CNTN4: variants seen among roughly 807,000 people sequenced by gnomAD.
CNTN4 encodes contactin-4.
Under a neutral mutation model 122.5 loss-of-function variants are expected in CNTN4, and 77 were observed. That is an observed-to-expected ratio of 0.63 (90% confidence interval 0.52 to 0.76). CNTN4 has a LOEUF of 0.76. Among genes scored for constraint, CNTN4 ranks in the 30% least tolerant of loss-of-function variants. The pLI is 0.00. For missense variants in CNTN4, 1,256 were observed against 1,259.1 expected, an observed-to-expected ratio of 1.00 and a Z score of 0.04; for synonymous variants, 512 against 447.0, an observed-to-expected ratio of 1.15 and a Z score of -1.83.
At chr3:2,315,592 G>A (rs1484705130) in intron 2 of CNTN4, among the ~76,000 whole-genome samples, 2 of 151,694 alleles carry the variant, frequency 1.3e-5, no homozygotes, top group Non-Finnish European at 1.5e-5. Flanking sequence ...AAGTAAAAAG[G>A]TTACTGAAAT....
chr3:2,681,725 A>G (rs186292764), intron 4 of CNTN4, among the ~76,000 whole-genome samples: 1 of 152,108 alleles, frequency 6.6e-6, no homozygotes, highest in Non-Finnish European at 1.5e-5. Context: ...ATATATATAT[A>G]TGTAGAAATA....
intron 4 of CNTN4, among the ~76,000 whole-genome samples, chr3:2,704,152 C>G (rs2086515926): frequency 6.6e-6 from 1 of 151,656 alleles, no homozygotes; most frequent in African/African-American, 2.4e-5. Context: ...CAAAAATTAG[C>G]CAGGTGTGGT....
chr3:3,040,003 G>C (rs1254978561), intron 19 of CNTN4, 34 bp from the exon 20 acceptor site: 3 of 1,447,616 alleles, frequency 2.1e-6, no homozygotes, highest in Non-Finnish European at 2.9e-6. Context: ...TGAAACTACT[G>C]TGATTTCTGA....
At chr3:2,968,449 G>A (rs1019037042) in intron 13 of CNTN4, among the ~76,000 whole-genome samples, 1 of 152,228 alleles carries the variant, frequency 6.6e-6, no homozygotes. Context: ...GATTTTCCCA[G>A]TTTGGTTGAT....
chr3:2,755,674 C>A (rs1397741516), intron 6 of CNTN4, among the ~76,000 whole-genome samples: 3 of 152,154 alleles, frequency 2.0e-5, no homozygotes, highest in African/African-American at 7.2e-5. Flanking sequence ...GGTCATCCCA[C>A]AGTCCAGTTT....
intron 2 of CNTN4, among the ~76,000 whole-genome samples, chr3:2,237,881 A>T (rs189932261): frequency 3.9e-5 from 6 of 152,306 alleles, no homozygotes; most frequent in Admixed American, 2.0e-4. Context: ...ATTAGCCTAT[A>T]GGCCATTATT....
chr3:2,252,823 C>T (rs141751934), intron 2 of CNTN4, among the ~76,000 whole-genome samples: 195 of 152,114 alleles, frequency 1.3e-3, no homozygotes, highest in African/African-American at 4.0e-3. Context: ...TTATTGTTGT[C>T]GAAAGACTTC....
chr3:2,279,825 G>C (rs945570322), intron 2 of CNTN4, among the ~76,000 whole-genome samples: 1 of 151,174 alleles, frequency 6.6e-6, no homozygotes, highest in African/African-American at 2.4e-5. Context: ...TCTGTGTAAA[G>C]ATATTTTAGA....
At chr3:2,542,305 A>G (rs1158733370) in intron 3 of CNTN4, among the ~76,000 whole-genome samples, 1 of 152,128 alleles carries the variant, frequency 6.6e-6, no homozygotes, top group Non-Finnish European at 1.5e-5. Context: ...AAAATCTCTA[A>G]TAGTCAGATA....
chr3:3,053,717 C>A, intron 23 of CNTN4, 90 bp from the exon 24 acceptor site: 1 of 1,364,256 alleles, frequency 7.3e-7, no homozygotes, highest in Non-Finnish European at 1.0e-6. Context: ...CTGCATTTTG[C>A]TCGTGCCCAG....
chr3:2,225,462 G>A (rs1230959143), intron 2 of CNTN4, among the ~76,000 whole-genome samples: 1 of 152,046 alleles, frequency 6.6e-6, no homozygotes, highest in African/African-American at 2.4e-5. Flanking sequence ...GCAGTGAGCC[G>A]AGATCGTGCT....
chr3:2,477,430 A>G (rs1049088341), intron 3 of CNTN4, among the ~76,000 whole-genome samples: 1 of 152,214 alleles, frequency 6.6e-6, no homozygotes, highest in African/African-American at 2.4e-5. Context: ...AATGCTTTAT[A>G]TACATTATCT....
intron 2 of CNTN4, among the ~76,000 whole-genome samples, chr3:2,235,902 G>T (rs1034842310): frequency 4.6e-5 from 7 of 152,102 alleles, no homozygotes; most frequent in African/African-American, 7.2e-5. Flanking sequence ...TCTTGCTTCA[G>T]TACACATACA....
At chr3:2,598,126 C>T (rs529497061) in intron 4 of CNTN4, among the ~76,000 whole-genome samples, 1 of 152,280 alleles carries the variant, frequency 6.6e-6, no homozygotes, top group East Asian at 1.9e-4. Flanking sequence ...AGCCTGGCAG[C>T]ATCTTATTGC....
At chr3:2,700,206 T>C (rs1237763635) in intron 4 of CNTN4, among the ~76,000 whole-genome samples, 10 of 152,210 alleles carry the variant, frequency 6.6e-5, no homozygotes, top group Non-Finnish European at 1.3e-4. Flanking sequence ...TAGACTATTA[T>C]TTTCAAAGGT....
At chr3:2,161,810 T>C (rs17008596) in intron 2 of CNTN4, among the ~76,000 whole-genome samples, 2 of 152,092 alleles carry the variant, frequency 1.3e-5, no homozygotes, top group African/African-American at 4.8e-5. Context: ...ATGTTAGAGT[T>C]GAGGAATTCC....
At chr3:3,047,986 G>A (rs1700848161) in intron 23 of CNTN4, among the ~76,000 whole-genome samples, 1 of 152,244 alleles carries the variant, frequency 6.6e-6, no homozygotes, top group Non-Finnish European at 1.5e-5. Context: ...TAGACCAGAT[G>A]GTAGGAAAGG....
intron 3 of CNTN4, among the ~76,000 whole-genome samples, chr3:2,512,779 A>T (rs1444702657): frequency 6.6e-6 from 1 of 152,196 alleles, no homozygotes; most frequent in East Asian, 1.9e-4. Context: ...TGAGCTTGAG[A>T]CCATGGAGCC....
intron 2 of CNTN4, among the ~76,000 whole-genome samples, chr3:2,294,693 A>G (rs571814843): frequency 2.6e-5 from 4 of 152,268 alleles, no homozygotes; most frequent in Non-Finnish European, 2.9e-5. Context: ...AATTATTAAT[A>G]TACTTTAAGT....
Sources: allele counts gnomAD v4.1 joint callset (sites outside exome capture counted in the v4.1 genomes callset), GRCh38; gene constraint gnomAD v4.1.1; transcripts MANE v1.5; gene names NCBI Gene and HGNC (gene_info 2026-07-23, HGNC 2026-07-21).